ARHGAP44: variants seen among roughly 807,000 people sequenced by gnomAD.
ARHGAP44 encodes Rho GTPase activating protein 44, also known as rho GTPase-activating protein 44.
In ARHGAP44, 43 loss-of-function variants were observed where a neutral mutation model predicts 106.8. The ratio of observed to expected loss-of-function variants is 0.40; its 90% CI spans 0.32 to 0.52. The LOEUF (loss-of-function observed/expected upper bound fraction) is 0.52. Ranked by LOEUF, ARHGAP44 falls within the 20% of genes least tolerant of loss-of-function variation. ARHGAP44 has a pLI of 0.48. For synonymous variants in ARHGAP44, 439 were observed against 410.3 expected (o/e 1.07, Z -0.85); for missense variants, 866 against 1,050.5 (o/e 0.82, Z 2.43).
At chr17:12,847,021 G>C (rs1318243009) in intron 1 of ARHGAP44, among the ~76,000 whole-genome samples, 1 of 152,196 alleles carries the variant, frequency 6.6e-6, no homozygotes, top group Non-Finnish European at 1.5e-5. Flanking sequence ...TGAAGTGGCA[G>C]CTTGGGTTAA....
chr17:12,820,199 T>C (rs2150794864), intron 1 of ARHGAP44, among the ~76,000 whole-genome samples: 1 of 152,296 alleles, frequency 6.6e-6, no homozygotes, highest in African/African-American at 2.4e-5. Flanking sequence ...ATAGTATATT[T>C]AGGTCTGTTT....
intron 3 of ARHGAP44, among the ~76,000 whole-genome samples, chr17:12,907,095 T>G (rs1375604148): frequency 1.3e-5 from 2 of 152,162 alleles, no homozygotes; most frequent in African/African-American, 4.8e-5. Flanking sequence ...GAATTATAAG[T>G]GGAAACGCTC....
intron 1 of ARHGAP44, among the ~76,000 whole-genome samples, chr17:12,846,374 A>G (rs1052406989): frequency 6.6e-6 from 1 of 152,130 alleles, no homozygotes; most frequent in Non-Finnish European, 1.5e-5. Context: ...CAATGGATGC[A>G]CAGCTGTGCA....
At chr17:12,809,940 A>G (rs1196375067) in intron 1 of ARHGAP44, among the ~76,000 whole-genome samples, 1 of 152,140 alleles carries the variant, frequency 6.6e-6, no homozygotes, top group Non-Finnish European at 1.5e-5. Flanking sequence ...GAGAAACCCA[A>G]CAGGCAGGTG....
At chr17:12,922,384 C>T (rs1285140948) in intron 6 of ARHGAP44, among the ~76,000 whole-genome samples, 2 of 152,122 alleles carry the variant, frequency 1.3e-5, no homozygotes, top group Non-Finnish European at 2.9e-5. Context: ...GACCTTGTGC[C>T]ACGTAAAATT....
intron 6 of ARHGAP44, among the ~76,000 whole-genome samples, chr17:12,926,501 AT>A (rs2038249669): frequency 7.0e-6 from 1 of 143,776 alleles, no homozygotes; most frequent in South Asian, 2.1e-4. Context: ...TAATATATGT[AT>A]ATATATTATA....
At chr17:12,976,195 T>C (rs1267886211) in intron 18 of ARHGAP44, among the ~76,000 whole-genome samples, 1 of 152,088 alleles carries the variant, frequency 6.6e-6, no homozygotes, top group African/African-American at 2.4e-5. Flanking sequence ...CACACATGCA[T>C]ACACATGGAC....
chr17:12,870,129 A>G (rs899221096), intron 1 of ARHGAP44, among the ~76,000 whole-genome samples: 1 of 141,830 alleles, frequency 7.1e-6, no homozygotes, highest in Non-Finnish European at 1.5e-5. Context: ...GCTCACTGCA[A>G]CCTCCAACTC....
chr17:12,869,953 G>T (rs1434478840), intron 1 of ARHGAP44, among the ~76,000 whole-genome samples: 4 of 150,992 alleles, frequency 2.6e-5, no homozygotes, highest in African/African-American at 7.3e-5. Flanking sequence ...GAAGGGTTGG[G>T]GACAAAAGAT....
rs368859876 is a variant in ARHGAP44 at position 12,903,457 on chromosome 17, T to C, written c.199-5440T>C. Reference sequence around the variant, plus strand: ...TGAAGTTTGCTAAGATCTTTTTACCTGGGCACTAATATTTACCAGGGATTG... The same window carrying C: ...TGAAGTTTGCTAAGATCTTTTTACCCGGGCACTAATATTTACCAGGGATTG... On this transcript the variant is annotated intron_variant, in intron 3 of 20. Transcript: ENST00000379672. Among the ~76,000 whole-genome samples, 49 of 152,262 alleles carry C rather than the reference T, an allele frequency of 3.2e-4. 1 individual carries two copies. The South Asian group carries it at 8.3e-3, about 26-fold the overall frequency.
intron 16 of ARHGAP44, among the ~76,000 whole-genome samples, chr17:12,959,445 T>C (rs1158857400): frequency 2.0e-5 from 3 of 152,240 alleles, no homozygotes; most frequent in African/African-American, 7.2e-5. Flanking sequence ...AATGCAGTTA[T>C]TAAGAGGCTT....
At chr17:12,838,406 T>C (rs1033524638) in intron 1 of ARHGAP44, among the ~76,000 whole-genome samples, 1 of 152,238 alleles carries the variant, frequency 6.6e-6, no homozygotes, top group African/African-American at 2.4e-5. Flanking sequence ...TTTTCTTTAG[T>C]AATTTCCTGC....
chr17:12,837,994 C>A (rs899721189), intron 1 of ARHGAP44, among the ~76,000 whole-genome samples: 1 of 152,168 alleles, frequency 6.6e-6, no homozygotes, highest in African/African-American at 2.4e-5. Context: ...TCACCCTGTG[C>A]TGCCTGCATT....
intron 18 of ARHGAP44, among the ~76,000 whole-genome samples, chr17:12,977,583 T>C (rs1386646113): frequency 2.0e-5 from 3 of 152,192 alleles, no homozygotes; most frequent in African/African-American, 7.2e-5. Flanking sequence ...GAGTCATGCA[T>C]CTTCAGAGCT....
intron 10 of ARHGAP44, among the ~76,000 whole-genome samples, chr17:12,947,112 A>T (rs927719891): frequency 6.6e-6 from 1 of 152,148 alleles, no homozygotes; most frequent in Admixed American, 6.5e-5. Context: ...TTTGTTTTTT[A>T]TGCTATCCAA....
rs997497717 is a variant in ARHGAP44, at chr17:12,973,256, G to T, written c.1524-46G>T. 7 of 1,588,270 alleles carry T rather than the reference G, an allele frequency of 4.4e-6. No homozygotes were observed. The Admixed American group carries it at 8.9e-5, about 20-fold the overall frequency. On this transcript the variant is annotated intron_variant, in intron 16 of 20. Transcript: ENST00000379672. ...AGACAACCTTTATGTCCAAAGGAAG[G>T]CCTAGATTTTTTGAAACTAATATCT...
At chr17:12,857,322 A>T (rs1384081042) in intron 1 of ARHGAP44, among the ~76,000 whole-genome samples, 1 of 152,214 alleles carries the variant, frequency 6.6e-6, no homozygotes, top group Non-Finnish European at 1.5e-5. Context: ...ATAGAGGTTG[A>T]TTTAGCTCAT....
chr17:12,823,136 T>C (rs991506191), intron 1 of ARHGAP44, among the ~76,000 whole-genome samples: 6 of 152,164 alleles, frequency 3.9e-5, no homozygotes, highest in African/African-American at 1.4e-4. Context: ...ATAAAATGAA[T>C]CTTCAGAGTC....
intron 1 of ARHGAP44, among the ~76,000 whole-genome samples, chr17:12,867,113 G>T (rs1429365957): frequency 6.6e-6 from 1 of 151,256 alleles, no homozygotes; most frequent in Non-Finnish European, 1.5e-5. Context: ...CAGAAAGTGA[G>T]AGGAGAGATC....
Sources: gnomAD v4.1 joint callset for allele counts (sites outside exome capture counted in the v4.1 genomes callset) on GRCh38, gnomAD v4.1.1 for gene constraint, MANE v1.5 for transcripts, NCBI Gene and HGNC (gene_info 2026-07-23, HGNC 2026-07-21) for gene names.